PAPPA: variants seen among roughly 807,000 people sequenced by gnomAD.
The protein encoded by PAPPA is pappalysin-1.
A neutral mutation model predicts 164.0 loss-of-function variants in PAPPA; 60 were observed. That is an observed-to-expected ratio of 0.37 (90% CI 0.30 to 0.45). The LOEUF (loss-of-function observed/expected upper bound fraction) is 0.45, where lower values mean the gene tolerates loss of function less well. Ranked by LOEUF, PAPPA falls within the 20% of genes least tolerant of loss-of-function variation. The pLI is 1.00. For missense variants in PAPPA, 1,782 were observed against 2,087.3 expected (o/e 0.85, Z 2.85); for synonymous variants, 875 against 814.1 (o/e 1.07, Z -1.27).
chr9:116,270,162 T>C (rs1845120556), intron 8 of PAPPA, among the ~76,000 whole-genome samples: 1 of 152,198 alleles, frequency 6.6e-6, no homozygotes, highest in African/African-American at 2.4e-5. Context: ...AAAGTGGGAA[T>C]GGGGACTGTG....
At chr9:116,323,735 T>C (rs543578133) in intron 10 of PAPPA, among the ~76,000 whole-genome samples, 12 of 152,294 alleles carry the variant, frequency 7.9e-5, no homozygotes, top group Middle Eastern at 6.8e-3. Flanking sequence ...GTGGCTTTGT[T>C]TGTTTCTTTG....
At chr9:116,371,690 G>T (rs1846577070) in intron 19 of PAPPA, among the ~76,000 whole-genome samples, 1 of 151,618 alleles carries the variant, frequency 6.6e-6, no homozygotes, top group Non-Finnish European at 1.5e-5. Flanking sequence ...TGATCCTTCT[G>T]CCTCAGCCTC....
In PAPPA at chr9:116,219,660, G is replaced by A. The variant is rs142308429; in HGVS notation, c.1919-277G>A. 2.1e-3 allele frequency among the ~76,000 whole-genome samples: 313 copies of A among 152,260 alleles called. 2 individuals carry two copies. The highest frequency in any genetic ancestry group is 7.3e-3 in the African/African-American group (303 of 41,546). ...GCTCATCTTGCCTGTGTCCTTTGCC[G>A]TGACCTCTGGGCTGCTCTCTTCCCA... On this transcript the variant is annotated intron_variant, in intron 4 of 21. Transcript: ENST00000328252.
In PAPPA at chr9:116,187,592, T is replaced by C; in HGVS notation, c.854T>C (p.Leu285Pro). ...HGAHTALPQLLLQENWDNVKH... is the reference protein window; with the variant it reads ...HGAHTALPQLPLQENWDNVKH... ...GCCCACACTGCTCTACCTCAGCTCC[T>C]CCTCCAGGAGAACTGGGACAATGTG... Residue 285 changes from leucine (L) to proline (P), a missense_variant, in exon 2 of 22, where the codon CTC becomes CCC. Around this residue, in one of 2 missense-constraint regions of PAPPA, gnomAD observed 458 missense variants for 430.3 expected, o/e 1.06. Transcript: ENST00000328252. This position sits in a 1 kb window ranked among gnomAD's most constrained non-coding sequence, Gnocchi z 4.2. The C allele has an allele frequency of 1.2e-6, 2 of 1,614,160 alleles. No homozygotes were observed. The highest frequency in any genetic ancestry group is 1.1e-5 in the South Asian group (1 of 91,084).
At chr9:116,164,534 C>T (rs145674889) in intron 1 of PAPPA, among the ~76,000 whole-genome samples, 2,108 of 152,232 alleles carry the variant, frequency 0.014, 24 homozygotes, top group Non-Finnish European at 0.02. Context: ...CTTGGAATAT[C>T]GAAGTATGTG....
intron 9 of PAPPA, among the ~76,000 whole-genome samples, chr9:116,273,829 T>C (rs1845165125): frequency 6.6e-6 from 1 of 152,180 alleles, no homozygotes. Context: ...GAGATCCTCC[T>C]AGATTCATTT....
intron 1 of PAPPA, among the ~76,000 whole-genome samples, chr9:116,183,708 A>G (rs1468837068): frequency 6.6e-6 from 1 of 152,140 alleles, no homozygotes; most frequent in Non-Finnish European, 1.5e-5. Context: ...CAAGGTTCTC[A>G]TTTCCCTTAA....
At chr9:116,216,580 G>A (rs983725892) in intron 4 of PAPPA, among the ~76,000 whole-genome samples, 3 of 152,118 alleles carry the variant, frequency 2.0e-5, no homozygotes, top group African/African-American at 7.2e-5. Flanking sequence ...AAGAGGGGAG[G>A]CACTGGGGGG....
rs1385508267 is a variant in PAPPA at position 116,265,908 on chromosome 9, A to C, written c.2784A>C (p.Gly928=). ...AGTATTGGGTCATAACTATTTCAGGAACTGAAGAGAGTGAGCCATCACCTG... is the reference window on the plus strand; with the variant it reads ...AGTATTGGGTCATAACTATTTCAGGCACTGAAGAGAGTGAGCCATCACCTG... The part of the protein sequence containing the change: ...VYQYWVITIS[G]TEESEPSPAV... The change falls in exon 8 of 22, where the codon GGA becomes GGC. Residue 928 remains glycine (G), a synonymous_variant. Coordinates refer to ENST00000328252, the MANE Select transcript of PAPPA (RefSeq NM_002581.5). 2 of 1,611,680 alleles carry C rather than the reference A, an allele frequency of 1.2e-6. No homozygotes were observed.
chr9:116,248,893 T>C (rs556046727), intron 7 of PAPPA, among the ~76,000 whole-genome samples: 21 of 152,352 alleles, frequency 1.4e-4, no homozygotes, highest in African/African-American at 4.6e-4. Flanking sequence ...AAGGTCTTTC[T>C]TTTAACTTCT....
chr9:116,320,539 G>A (rs776934646), intron 10 of PAPPA, among the ~76,000 whole-genome samples: 7 of 152,160 alleles, frequency 4.6e-5, no homozygotes, highest in African/African-American at 1.7e-4. Flanking sequence ...TGTCTATGCC[G>A]AATAATAAAT....
chr9:116,215,201 G>A (rs1188612720), intron 4 of PAPPA, among the ~76,000 whole-genome samples: 3 of 152,252 alleles, frequency 2.0e-5, no homozygotes, highest in Non-Finnish European at 4.4e-5. Flanking sequence ...CAAGTTGAAT[G>A]TTCGGTGCCC....
intron 21 of PAPPA, among the ~76,000 whole-genome samples, chr9:116,392,646 G>A (rs1184210245): frequency 6.6e-6 from 1 of 152,172 alleles, no homozygotes; most frequent in Non-Finnish European, 1.5e-5. Context: ...TGTGATAAGT[G>A]AGGAAGCTTG....
Position 116,156,304 on chromosome 9 carries a change from A to G in PAPPA, c.415+1717A>G, listed in dbSNP as rs191108651. Among the ~76,000 whole-genome samples the G allele has an allele frequency of 4.7e-5, 6 of 126,618 alleles. No individual in the cohort carries two copies. In the South Asian group the frequency reaches 9.4e-4, roughly 20 times the overall value. 83.1% of individuals were successfully genotyped at this position (126,618 alleles called of 152,430 possible). On this transcript the variant is annotated intron_variant, in intron 1 of 21. Coordinates refer to ENST00000328252, the MANE Select transcript of PAPPA (RefSeq NM_002581.5). ...TGTGTGTGTGTATATATATATATACATGTATATATATGTGTGTATATATAT... is the reference window on the plus strand; with the variant it reads ...TGTGTGTGTGTATATATATATATACGTGTATATATATGTGTGTATATATAT...
intron 18 of PAPPA, among the ~76,000 whole-genome samples, chr9:116,367,190 A>G (rs1846512201): frequency 6.6e-6 from 1 of 152,234 alleles, no homozygotes; most frequent in Non-Finnish European, 1.5e-5. Context: ...TGGGATGAAC[A>G]AGAGAAGAAG....
intron 3 of PAPPA, among the ~76,000 whole-genome samples, chr9:116,209,065 A>G (rs1006219368): frequency 2.0e-5 from 3 of 152,150 alleles, no homozygotes; most frequent in Non-Finnish European, 2.9e-5. Flanking sequence ...ATACAGACTA[A>G]AAAGTCAATA....
chr9:116,382,354 G>C, intron 20 of PAPPA, 41 bp from the exon 21 acceptor site: 1 of 1,273,806 alleles, frequency 7.9e-7, no homozygotes, highest in East Asian at 2.3e-5. Flanking sequence ...ACTCCAGGAT[G>C]CTAACAAGGC....
intron 7 of PAPPA, among the ~76,000 whole-genome samples, chr9:116,251,350 A>G (rs1844857793): frequency 6.6e-6 from 1 of 152,114 alleles, no homozygotes; most frequent in African/African-American, 2.4e-5. Context: ...GGGTAAGGGG[A>G]GAGAAGAAAG....
chr9:116,263,005 T>A (rs1845020904), intron 7 of PAPPA, among the ~76,000 whole-genome samples: 1 of 152,180 alleles, frequency 6.6e-6, no homozygotes, highest in African/African-American at 2.4e-5. Context: ...AAACATAATC[T>A]TTTTAGTAAC....
Sources: allele counts gnomAD v4.1 joint callset (sites outside exome capture counted in the v4.1 genomes callset), GRCh38; gene constraint gnomAD v4.1.1; regional missense constraint gnomAD v4.1.1; non-coding constraint Gnocchi (gnomAD v3.1); transcripts MANE v1.5; gene names NCBI Gene and HGNC (gene_info 2026-07-23, HGNC 2026-07-21).